Variants in TRAF3IP2 observed in about 807,000 individuals in gnomAD.
The protein encoded by TRAF3IP2 is TRAF3 interacting protein 2.
In TRAF3IP2, 35 loss-of-function variants were observed where a neutral mutation model predicts 57.9. The observed-to-expected ratio is 0.60, with a 90% CI of 0.46 to 0.80. The LOEUF (loss-of-function observed/expected upper bound fraction) is 0.80. Among genes scored for constraint, TRAF3IP2 ranks in the 30% least tolerant of loss-of-function variants. The probability of loss-of-function intolerance (pLI) is 0.00; values close to 1 mark genes in which losing one functional copy is unlikely to be tolerated. For synonymous variants in TRAF3IP2, 251 were observed against 268.9 expected (o/e 0.93, Z 0.65); for missense variants, 556 against 706.4 (o/e 0.79, Z 2.41).
chr6:111,585,055 C>G (rs1044628337), intron 2 of TRAF3IP2, among the ~76,000 whole-genome samples: 4 of 152,182 alleles, frequency 2.6e-5, no homozygotes, highest in African/African-American at 9.7e-5. Context: ...GCTTCCTTGA[C>G]CTTCTCATCC....
intron 5 of TRAF3IP2, among the ~76,000 whole-genome samples, chr6:111,569,558 C>A (rs1335055076): frequency 6.6e-6 from 1 of 152,004 alleles, no homozygotes; most frequent in Non-Finnish European, 1.5e-5. Context: ...GTGAGACCAG[C>A]CTGGCAAACA....
In TRAF3IP2 at chr6:111,591,652, A is replaced by G. The variant is rs1240307971; in HGVS notation, c.435T>C (p.Leu145=). The G allele has an allele frequency of 1.9e-6, 3 of 1,614,112 alleles. No individual in the cohort carries two copies. Among genetic ancestry groups the G allele is most frequent in the Non-Finnish European group, 2.5e-6 (3 of 1,180,046 alleles). Residue 145 remains leucine (L), a synonymous_variant, in exon 2 of 9, where the codon CTT becomes CTC. Transcript: ENST00000368761. This position sits in a 1 kb window ranked among gnomAD's most constrained non-coding sequence, Gnocchi z 4.9. ...GGCCAGTGTCAGGAGAAGCCGCTGA[A>G]AGCTGAGATACCAGCCATTGATTAC... The part of the protein sequence containing the change: ...EKRNQWLVSQ[L]SAASPDTGHD...
At chr6:111,595,156 T>C (rs904329720) in intron 1 of TRAF3IP2, among the ~76,000 whole-genome samples, 1 of 152,050 alleles carries the variant, frequency 6.6e-6, no homozygotes, top group Admixed American at 6.6e-5. Context: ...CGATTAAGCC[T>C]GGGAGGCGGA....
chr6:111,556,047 G>C lies in TRAF3IP2; in HGVS notation c.*3358C>G, dbSNP rs565011791. On this transcript the variant is annotated 3_prime_UTR_variant, in exon 9 of 9. Transcript: ENST00000368761. ...GAACCCGGGAGGTGGAGGTTGCAGT[G>C]AGCTGTGATTGCACCACTGCACTCT... 1.3e-5 allele frequency among the ~76,000 whole-genome samples: 2 copies of C among 151,412 alleles called. No homozygotes were observed. The highest frequency in any genetic ancestry group is 4.2e-4 in the South Asian group (2 of 4,802).
intron 1 of TRAF3IP2, among the ~76,000 whole-genome samples, chr6:111,596,293 C>T (rs142032745): frequency 1.3e-5 from 2 of 152,226 alleles, no homozygotes; most frequent in East Asian, 3.9e-4. Flanking sequence ...GCAATTTTCT[C>T]TTTTCTTTTT....
intron 2 of TRAF3IP2, among the ~76,000 whole-genome samples, chr6:111,582,392 A>G (rs1158528756): frequency 6.6e-6 from 1 of 151,810 alleles, no homozygotes; most frequent in East Asian, 1.9e-4. Context: ...AAAGAGGGGG[A>G]GGAGGAGAAA....
In TRAF3IP2 at chr6:111,555,885, C is replaced by T. The variant is rs999296351; in HGVS notation, c.*3520G>A. ...TTGGGAGGCCGAGGCGGATGGATCACGAGGTCAGGAGATCAAGACCATCCT... is the reference window on the plus strand; with the variant it reads ...TTGGGAGGCCGAGGCGGATGGATCATGAGGTCAGGAGATCAAGACCATCCT... On this transcript the variant is annotated 3_prime_UTR_variant, in exon 9 of 9. Coordinates refer to ENST00000368761, the MANE Select transcript of TRAF3IP2 (RefSeq NM_147686.4). 1.1e-4 allele frequency among the ~76,000 whole-genome samples: 16 copies of T among 152,104 alleles called. No homozygotes were observed. The highest frequency in any genetic ancestry group is 2.7e-4 in the African/African-American group (11 of 41,398).
intron 7 of TRAF3IP2, among the ~76,000 whole-genome samples, chr6:111,566,111 C>T (rs1271785092): frequency 6.6e-6 from 1 of 152,194 alleles, no homozygotes; most frequent in East Asian, 1.9e-4. Flanking sequence ...TCCTCACCAC[C>T]CCGTCTCCTG....
At chr6:111,593,667 C>T (rs1796588256) in intron 1 of TRAF3IP2, among the ~76,000 whole-genome samples, 1 of 152,140 alleles carries the variant, frequency 6.6e-6, no homozygotes, top group African/African-American at 2.4e-5. Flanking sequence ...CTTCCCTCCT[C>T]CCTCCGTCTC....
At chr6:111,597,665 A>C (rs4947128) in intron 1 of TRAF3IP2, among the ~76,000 whole-genome samples, 16,520 of 152,190 alleles carry the variant, frequency 0.11, 1,215 homozygotes, top group African/African-American at 0.21. Flanking sequence ...ATACAAAGAA[A>C]ACCATTCAGC....
chr6:111,602,589 T>C (rs572139708), intron 1 of TRAF3IP2, among the ~76,000 whole-genome samples: 2 of 152,180 alleles, frequency 1.3e-5, no homozygotes, highest in South Asian at 2.1e-4. Flanking sequence ...GTAATTTGTA[T>C]GTAGTGCTGG....
intron 1 of TRAF3IP2, among the ~76,000 whole-genome samples, chr6:111,594,062 T>G (rs1447283916): frequency 7.0e-6 from 1 of 143,748 alleles, no homozygotes; most frequent in Non-Finnish European, 1.5e-5. Flanking sequence ...ACCTGGGAGG[T>G]GGAGGTTGCA....
intron 1 of TRAF3IP2, chr6:111,597,975 G>T (rs1796747071): frequency 2.2e-6 from 1 of 445,910 alleles, no homozygotes; most frequent in African/African-American, 2.0e-5. Flanking sequence ...CTCCTCAGGG[G>T]AACAGGAGAC....
intron 1 of TRAF3IP2, chr6:111,599,814 T>C (rs1219927602): frequency 6.6e-6 from 1 of 152,198 alleles, no homozygotes; most frequent in East Asian, 1.9e-4. Context: ...AGGGCACACA[T>C]GAACAGACTT....
chr6:111,576,509 G>C (rs1425872467), intron 3 of TRAF3IP2: 1 of 152,278 alleles, frequency 6.6e-6, no homozygotes, highest in African/African-American at 2.4e-5. Context: ...TCCCCAGAAG[G>C]CCTCCCAGTG....
In TRAF3IP2 at chr6:111,555,874, C is replaced by T. The variant is rs1043563823; in HGVS notation, c.*3531G>A. On this transcript the variant is annotated 3_prime_UTR_variant, in exon 9 of 9. Coordinates refer to ENST00000368761, the MANE Select transcript of TRAF3IP2 (RefSeq NM_147686.4). ...ATCCCAGCAATTTGGGAGGCCGAGGCGGATGGATCACGAGGTCAGGAGATC... is the reference window on the plus strand; with the variant it reads ...ATCCCAGCAATTTGGGAGGCCGAGGTGGATGGATCACGAGGTCAGGAGATC... 1.3e-5 allele frequency among the ~76,000 whole-genome samples: 2 copies of T among 152,128 alleles called. No homozygotes were observed. The highest frequency in any genetic ancestry group is 2.9e-5 in the Non-Finnish European group (2 of 68,018).
intron 2 of TRAF3IP2, among the ~76,000 whole-genome samples, chr6:111,586,138 A>C (rs1318004907): frequency 6.6e-6 from 1 of 152,200 alleles, no homozygotes; most frequent in Non-Finnish European, 1.5e-5. Context: ...CACAGCTGTA[A>C]GCAGCTGTCG....
intron 6 of TRAF3IP2, 44 bp downstream of exon 6, chr6:111,567,580 C>G (rs1562420638): frequency 8.3e-6 from 13 of 1,574,346 alleles, no homozygotes; most frequent in Non-Finnish European, 1.1e-5. Context: ...AGCTCATTGT[C>G]TTTCTCACCA....
chr6:111,600,849 T>C (rs1796840025), intron 1 of TRAF3IP2: 1 of 185,682 alleles, frequency 5.4e-6, no homozygotes, highest in Non-Finnish European at 1.1e-5. Flanking sequence ...TTAATATTTA[T>C]TGAATGGTGA....
Sources: allele counts gnomAD v4.1 joint callset (sites outside exome capture counted in the v4.1 genomes callset), GRCh38; gene constraint gnomAD v4.1.1; non-coding constraint Gnocchi (gnomAD v3.1); transcripts MANE v1.5; gene names NCBI Gene and HGNC (gene_info 2026-07-23, HGNC 2026-07-21).